The following HKDC1 variants were observed in gnomAD, a reference collection of about 807,000 sequenced individuals.
The protein encoded by HKDC1 is hexokinase HKDC1.
Under a neutral mutation model 96.6 loss-of-function variants are expected in HKDC1, and 66 were observed. The observed-to-expected ratio is 0.68, with a 90% CI of 0.56 to 0.84. The LOEUF (loss-of-function observed/expected upper bound fraction) is 0.84. Among genes scored for constraint, HKDC1 ranks in the 40% least tolerant of loss-of-function variants. The probability of loss-of-function intolerance (pLI) is 0.00; values close to 1 mark genes in which losing one functional copy is unlikely to be tolerated. For missense variants in HKDC1, 1,211 were observed against 1,208.1 expected (o/e 1.00, Z -0.04); for synonymous variants, 466 against 473.1 (o/e 0.98, Z 0.20).
In HKDC1 at chr10:69,243,322, G is replaced by C. The variant is rs748606620; in HGVS notation, c.832G>C (p.Asp278His). 1 of 1,610,928 alleles carries C rather than the reference G, an allele frequency of 6.2e-7. No homozygotes were observed. Among genetic ancestry groups the C allele is most frequent in the Non-Finnish European group, 8.5e-7 (1 of 1,178,318 alleles). Reference protein sequence around the residue: ...GALEDIRTEFDRELDLGSLNP... With the variant: ...GALEDIRTEFHRELDLGSLNP... ...CCTGGAGGACATTCGCACTGAGTTCGACAGGGAGCTGGACCTCGGCTCTCT... is the reference window on the plus strand; with the variant it reads ...CCTGGAGGACATTCGCACTGAGTTCCACAGGGAGCTGGACCTCGGCTCTCT... Residue 278 changes from aspartate to histidine, a missense_variant, in exon 7 of 18, where the codon GAC becomes CAC. Physicochemically the swap from Asp to His is moderately conservative, Grantham distance 81 (BLOSUM62 -1). Transcript: ENST00000354624.
chr10:69,231,094 T>G (rs1843252434), intron 2 of HKDC1, among the ~76,000 whole-genome samples: 1 of 151,912 alleles, frequency 6.6e-6, no homozygotes, highest in African/African-American at 2.4e-5. Flanking sequence ...TGGAGTGAGG[T>G]GTTTGATAGT....
In HKDC1 at chr10:69,250,347, T is replaced by A; in HGVS notation, c.1628T>A (p.Val543Glu). The change falls in exon 11 of 18, where the codon GTG (valine) becomes GAG (glutamate). Residue 543 changes from valine to glutamate, a missense_variant. By Grantham distance (121) the Val-to-Glu change is moderately radical (BLOSUM62 -2). Coordinates refer to ENST00000354624, the MANE Select transcript of HKDC1 (RefSeq NM_025130.4). The stretch of plus-strand genomic sequence containing the variant: ...GGAACCAACTTCCGGGTCCTCCTGG[T>A]GAAGATCAGAAGTGGACGGAGGTCA... ...LGGTNFRVLLVKIRSGRRSVR... is the reference protein window; with the variant it reads ...LGGTNFRVLLEKIRSGRRSVR... The A allele has an allele frequency of 6.2e-7, 1 of 1,614,076 alleles. No individual in the cohort carries two copies. Among genetic ancestry groups the A allele is most frequent in the South Asian group, 1.1e-5 (1 of 91,058 alleles).
chr10:69,250,320 G>A lies in HKDC1; in HGVS notation c.1601G>A (p.Gly534Glu). The A allele has an allele frequency of 6.2e-7, 1 of 1,614,054 alleles. No homozygotes were observed. ...EKGKFLALDL[G>E]GTNFRVLLVK... ...GGAAAGTTTCTCGCCCTGGATCTTGGGGGAACCAACTTCCGGGTCCTCCTG... is the reference window on the plus strand; with the variant it reads ...GGAAAGTTTCTCGCCCTGGATCTTGAGGGAACCAACTTCCGGGTCCTCCTG... The change falls in exon 11 of 18, where the codon GGG becomes GAG. Residue 534 changes from glycine (G) to glutamate (E), a missense_variant. Coordinates refer to ENST00000354624, the MANE Select transcript of HKDC1 (RefSeq NM_025130.4).
chr10:69,264,245 T>TGTGTG (rs1564738676), intron 16 of HKDC1, among the ~76,000 whole-genome samples: 10 of 137,436 alleles, frequency 7.3e-5, no homozygotes, highest in Admixed American at 5.9e-4. Context: ...GTGTGTGTCT[T>TGTGTG]TTTTTAATCT....
At chr10:69,240,610 T>G (rs1309523727) in intron 5 of HKDC1, 42 bp from the exon 6 acceptor site, 1 of 1,550,624 alleles carries the variant, frequency 6.4e-7, no homozygotes, top group Non-Finnish European at 8.9e-7. Flanking sequence ...GGGAAACACC[T>G]CCTTCCCACC....
intron 1 of HKDC1, among the ~76,000 whole-genome samples, chr10:69,224,833 C>T (rs944229551): frequency 1.3e-5 from 2 of 152,148 alleles, no homozygotes; most frequent in African/African-American, 4.8e-5. Context: ...ACGATATCTC[C>T]CATGATGGTT....
At chr10:69,245,980 C>T (rs980761795) in intron 7 of HKDC1, 99 bp from the exon 8 acceptor site, 1 of 1,442,166 alleles carries the variant, frequency 6.9e-7, no homozygotes, top group African/African-American at 1.4e-5. Context: ...CAGCCCTCTC[C>T]CATGTGCTCC....
chr10:69,256,665 G>C (rs1285895912), intron 12 of HKDC1, among the ~76,000 whole-genome samples: 1 of 151,754 alleles, frequency 6.6e-6, no homozygotes, highest in Non-Finnish European at 1.5e-5. Context: ...CCGAGATCAC[G>C]CCATTGCACT....
At chr10:69,239,495 G>C (rs1843420734) in intron 5 of HKDC1, among the ~76,000 whole-genome samples, 1 of 152,136 alleles carries the variant, frequency 6.6e-6, no homozygotes, top group African/African-American at 2.4e-5. Context: ...TTTCCGGGCT[G>C]GTTCCATATT....
intron 7 of HKDC1, among the ~76,000 whole-genome samples, chr10:69,245,570 CAAT>C (rs10646729): frequency 0.26 from 36,728 of 139,170 alleles, 5,206 homozygotes; most frequent in East Asian, 0.6. Flanking sequence ...ATCCTGTCTC[CAAT>C]AATAATAATA....
intron 12 of HKDC1, among the ~76,000 whole-genome samples, chr10:69,253,889 G>C (rs1241840802): frequency 6.6e-6 from 1 of 152,214 alleles, no homozygotes; most frequent in Non-Finnish European, 1.5e-5. Context: ...CATCAGCCAA[G>C]CTTCCGAGAC....
In HKDC1 at chr10:69,232,990, T is replaced by TA. The variant is rs753584309; in HGVS notation, c.376-23dup. 4.3e-6 allele frequency: 7 copies of TA among 1,613,574 alleles called. No homozygotes were observed. In the East Asian group the frequency reaches 1.6e-4, roughly 36 times the overall value. On this transcript the variant is annotated intron_variant, in intron 3 of 17. Coordinates refer to ENST00000354624, the MANE Select transcript of HKDC1 (RefSeq NM_025130.4). The stretch of plus-strand genomic sequence containing the variant: ...TGGGGAAACCACACCTTAGCCCATG[T>TA]ACTTTGCTTTCTCTTCTCTGCAGCT...
Position 69,247,390 on chromosome 10 carries a change from G to C in HKDC1, c.1062G>C (p.Glu354Asp). 2 of 1,614,144 alleles carry C rather than the reference G, an allele frequency of 1.2e-6. No individual in the cohort carries two copies. Among genetic ancestry groups the C allele is most frequent in the Non-Finnish European group, 1.7e-6 (2 of 1,180,012 alleles). Residue 354 changes from glutamate to aspartate, a missense_variant, in exon 9 of 18, where the codon GAG becomes GAC. Coordinates refer to ENST00000354624, the MANE Select transcript of HKDC1 (RefSeq NM_025130.4). ...AAGAAGGCCTTGCTAATACAAGAGA[G>C]ATCCTGGTGGACCTGGGTCTGGAAC... is the stretch of plus-strand genomic sequence containing the variant. ...KYKEGLANTR[E>D]ILVDLGLEPS...
chr10:69,229,577 T>A (rs1004902508), intron 2 of HKDC1, among the ~76,000 whole-genome samples: 2 of 152,148 alleles, frequency 1.3e-5, no homozygotes, highest in East Asian at 3.8e-4. Flanking sequence ...CTCCTCCTGA[T>A]ACAGACAAGG....
chr10:69,221,031 T>G (rs1429544562), intron 1 of HKDC1, among the ~76,000 whole-genome samples: 1 of 151,960 alleles, frequency 6.6e-6, no homozygotes, highest in Non-Finnish European at 1.5e-5. Flanking sequence ...GCACCTGTAA[T>G]CCCATCTACT....
At chr10:69,246,564 C>T (rs538103630) in intron 8 of HKDC1, among the ~76,000 whole-genome samples, 8 of 152,292 alleles carry the variant, frequency 5.3e-5, no homozygotes, top group Admixed American at 2.0e-4. Context: ...CCCTTAGCCC[C>T]GAAAATGTAC....
intron 15 of HKDC1, among the ~76,000 whole-genome samples, chr10:69,259,920 G>A (rs1016147167): frequency 6.6e-6 from 1 of 152,234 alleles, no homozygotes; most frequent in South Asian, 2.1e-4. Context: ...TGAGATTTTG[G>A]TGGGGACATA....
At chr10:69,252,905 T>C (rs1385497237) in intron 12 of HKDC1, among the ~76,000 whole-genome samples, 2 of 151,344 alleles carry the variant, frequency 1.3e-5, no homozygotes, top group African/African-American at 4.9e-5. Context: ...GAGGCCAAGA[T>C]GGGAGGATCA....
chr10:69,248,908 G>T (rs1843590203), intron 10 of HKDC1, 180 bp downstream of exon 10: 1 of 601,936 alleles, frequency 1.7e-6, no homozygotes, highest in South Asian at 2.5e-5. Context: ...CAAGGCATTT[G>T]CAGTAAAAAC....
Sources: gnomAD v4.1 joint callset for allele counts (sites outside exome capture counted in the v4.1 genomes callset) on GRCh38, gnomAD v4.1.1 for gene constraint, MANE v1.5 for transcripts, NCBI Gene and HGNC (gene_info 2026-07-23, HGNC 2026-07-21) for gene names.